The following PIK3C2G variants were observed in gnomAD, a reference collection of about 807,000 sequenced individuals.
The protein encoded by PIK3C2G is phosphatidylinositol-4-phosphate 3-kinase catalytic subunit type 2 gamma.
PIK3C2G carries 168 observed loss-of-function variants against 181.1 expected under a neutral mutation model. That is an observed-to-expected ratio of 0.93 (90% CI 0.82 to 1.05). The LOEUF is 1.05. PIK3C2G is among the 50% of genes least tolerant of loss of function. The pLI is 0.00. For synonymous variants in PIK3C2G, 573 were observed against 592.2 expected (o/e 0.97, Z 0.47); for missense variants, 1,869 against 1,732.8 (o/e 1.08, Z -1.40).
intron 16 of PIK3C2G, among the ~76,000 whole-genome samples, chr12:18,418,991 T>C (rs961576541): frequency 6.6e-6 from 1 of 152,124 alleles, no homozygotes; most frequent in African/African-American, 2.4e-5. Context: ...TTTAAGTCTA[T>C]GTAATTGGAG....
chr12:18,397,044 T>C (rs555191545), intron 15 of PIK3C2G, among the ~76,000 whole-genome samples: 6 of 152,004 alleles, frequency 3.9e-5, no homozygotes, highest in African/African-American at 1.4e-4. Context: ...GCAATTAAGA[T>C]AATGTGATAT....
At chr12:18,246,096 C>T (rs34691344), upstream of PIK3C2G, among the ~76,000 whole-genome samples, 3,265 of 152,162 alleles carry the variant, frequency 0.021, 45 homozygotes, top group Middle Eastern at 0.034. Context: ...TTTGAGCCCT[C>T]CATAAGATTC....
chr12:18,664,827 A>G, the PIK3C2G span, among the ~76,000 whole-genome samples: 1 of 151,722 alleles, frequency 6.6e-6, no homozygotes, highest in Admixed American at 6.6e-5. Flanking sequence ...CTATGCAGCC[A>G]CAAAAAATGA....
downstream of PIK3C2G, among the ~76,000 whole-genome samples, chr12:18,649,156 T>C (rs1325117655): frequency 1.3e-5 from 2 of 152,098 alleles, no homozygotes; most frequent in African/African-American, 2.4e-5. Context: ...TTCTGTCTGC[T>C]GAAACCTCAG....
intron 18 of PIK3C2G, among the ~76,000 whole-genome samples, chr12:18,484,248 A>T (rs554617587): frequency 6.6e-6 from 1 of 152,292 alleles, no homozygotes; most frequent in Admixed American, 6.5e-5. Flanking sequence ...AACAATAATG[A>T]AATCTACCAC....
chr12:18,325,688 C>G (rs1213776140), intron 8 of PIK3C2G, among the ~76,000 whole-genome samples: 2 of 122,780 alleles, frequency 1.6e-5, no homozygotes. Context: ...AGCCTGGTGA[C>G]AGAGCAAGAC....
intron 32 of PIK3C2G, among the ~76,000 whole-genome samples, chr12:18,643,578 A>G (rs925636410): frequency 1.3e-5 from 2 of 151,716 alleles, no homozygotes; most frequent in Admixed American, 1.3e-4. Context: ...TATCAACACA[A>G]CAAGAATATT....
intron 2 of PIK3C2G, among the ~76,000 whole-genome samples, chr12:18,283,078 T>G (rs1428850346): frequency 3.3e-5 from 5 of 152,148 alleles, no homozygotes; most frequent in Non-Finnish European, 7.4e-5. Flanking sequence ...ACTGATAATA[T>G]TTTCTGTTTT....
intron 30 of PIK3C2G, among the ~76,000 whole-genome samples, chr12:18,604,987 A>G (rs1947936093): frequency 6.6e-6 from 1 of 152,192 alleles, no homozygotes; most frequent in Non-Finnish European, 1.5e-5. Flanking sequence ...GGAACTAGAG[A>G]AACAAGAACA....
chr12:18,602,574 G>A (rs1407184616), intron 30 of PIK3C2G, among the ~76,000 whole-genome samples: 1 of 151,962 alleles, frequency 6.6e-6, no homozygotes, highest in Non-Finnish European at 1.5e-5. Flanking sequence ...GAGGCCATCA[G>A]CACAAGAGCA....
chr12:18,325,127 A>G, intron 8 of PIK3C2G, 29 bp downstream of exon 8: 3 of 1,299,974 alleles, frequency 2.3e-6, no homozygotes, highest in Non-Finnish European at 3.3e-6. Flanking sequence ...TTATCCATCA[A>G]TTCAGTAAGC....
At position 18,295,135 on chromosome 12, in the gene PIK3C2G, TAAAC is replaced by T. The variant is rs540436933; in HGVS notation, c.1034+1124_1034+1127del. Among the ~76,000 whole-genome samples, 723 of 150,424 alleles carry T rather than the reference TAAAC, an allele frequency of 4.8e-3. 7 individuals are homozygous for T. Among genetic ancestry groups the T allele is most frequent in the African/African-American group, 0.016 (671 of 41,278 alleles). On this transcript the variant is annotated intron_variant, in intron 5 of 32. Coordinates refer to ENST00000538779, the MANE Select transcript of PIK3C2G (RefSeq NM_001288772.2). ...TTATTTTATAATAAATAATTATACA[TAAAC>T]AAAATAATAAATATTTATATGAAAT... is the stretch of plus-strand genomic sequence containing the variant.
intron 31 of PIK3C2G, among the ~76,000 whole-genome samples, chr12:18,636,939 C>T (rs1285397674): frequency 6.6e-6 from 1 of 152,184 alleles, no homozygotes; most frequent in Non-Finnish European, 1.5e-5. Context: ...GCTCTGTGAG[C>T]TGCTATGTCT....
intron 31 of PIK3C2G, among the ~76,000 whole-genome samples, chr12:18,630,950 T>A (rs1272082730): frequency 2.6e-5 from 4 of 152,076 alleles, no homozygotes; most frequent in African/African-American, 9.7e-5. Flanking sequence ...CAGGGGAGTG[T>A]TAAGTCTTTG....
At chr12:18,615,257 T>C (rs895816833) in intron 31 of PIK3C2G, among the ~76,000 whole-genome samples, 1 of 151,846 alleles carries the variant, frequency 6.6e-6, no homozygotes, top group East Asian at 1.9e-4. Flanking sequence ...CTTAAAATAA[T>C]GATCTCCAGC....
At chr12:18,626,063 T>TAAC (rs55884808) in intron 31 of PIK3C2G, among the ~76,000 whole-genome samples, 14,314 of 151,974 alleles carry the variant, frequency 0.094, 859 homozygotes, top group Non-Finnish European at 0.14. Flanking sequence ...ATTTTGTTAC[T>TAAC]AACTGTATTG....
intron 17 of PIK3C2G, 132 bp from the exon 18 acceptor site, chr12:18,423,813 G>A (rs370866409): frequency 7.1e-5 from 44 of 622,802 alleles, no homozygotes; most frequent in African/African-American, 4.8e-4. Context: ...TAAAATCATC[G>A]AATGTGTTAT....
At chr12:18,349,131 CT>C (rs1939971359) in intron 11 of PIK3C2G, among the ~76,000 whole-genome samples, 1 of 152,204 alleles carries the variant, frequency 6.6e-6, no homozygotes, top group African/African-American at 2.4e-5. Context: ...AAGAGACAAT[CT>C]TTGTAATCTA....
chr12:18,302,118 T>C lies in PIK3C2G; in HGVS notation c.1034+8103T>C, dbSNP rs1443922528. On this transcript the variant is annotated intron_variant, in intron 5 of 32. Transcript: ENST00000538779. The stretch of plus-strand genomic sequence containing the variant: ...GGTAGTGGTGGACCAACCATGGCTG[T>C]CTTTGGGCTCCTGGGTAGCCTATGT... Among the ~76,000 whole-genome samples the C allele has an allele frequency of 3.3e-5, 5 of 152,276 alleles. No homozygotes were observed. In the East Asian group the frequency reaches 7.7e-4, roughly 24 times the overall value.
Sources: allele counts gnomAD v4.1 joint callset (sites outside exome capture counted in the v4.1 genomes callset), GRCh38; gene constraint gnomAD v4.1.1; transcripts MANE v1.5; gene names NCBI Gene and HGNC (gene_info 2026-07-23, HGNC 2026-07-21).